Variants in CTTNBP2 observed in about 807,000 individuals in gnomAD.
CTTNBP2 encodes cortactin binding protein 2, also known as cortactin-binding protein 2.
A neutral mutation model predicts 156.9 loss-of-function variants in CTTNBP2; 108 were observed. That is an observed-to-expected ratio of 0.69 (90% CI 0.59 to 0.81). CTTNBP2 has a LOEUF of 0.81. CTTNBP2 is among the 30% of genes least tolerant of loss of function. The probability of loss-of-function intolerance (pLI) is 0.00; values close to 1 mark genes in which losing one functional copy is unlikely to be tolerated. For synonymous variants in CTTNBP2, 767 were observed against 751.8 expected (o/e 1.02, Z -0.33); for missense variants, 1,924 against 2,035.4 (o/e 0.95, Z 1.05).
chr7:117,816,790 T>C (rs1376865784), intron 2 of CTTNBP2, among the ~76,000 whole-genome samples: 2 of 152,110 alleles, frequency 1.3e-5, no homozygotes, highest in Non-Finnish European at 2.9e-5. Flanking sequence ...ATCAACAACA[T>C]AGACATGTTT....
At chr7:117,771,868 A>G (rs1230054459) in intron 8 of CTTNBP2, among the ~76,000 whole-genome samples, 1 of 152,204 alleles carries the variant, frequency 6.6e-6, no homozygotes, top group African/African-American at 2.4e-5. Context: ...CCAAGAAGCC[A>G]AGACAAGCTG....
intron 19 of CTTNBP2, among the ~76,000 whole-genome samples, chr7:117,723,752 CTT>C (rs35193550): frequency 0.19 from 25,867 of 133,058 alleles, 1,842 homozygotes; most frequent in African/African-American, 0.21. Flanking sequence ...ACGGCAGGAT[CTT>C]TTTTTTTTTT....
chr7:117,832,468 A>T (rs561958724), intron 2 of CTTNBP2, among the ~76,000 whole-genome samples: 1 of 151,952 alleles, frequency 6.6e-6, no homozygotes, highest in Non-Finnish European at 1.5e-5. Flanking sequence ...ACCTAATAAT[A>T]CTACAGCCCA....
intron 2 of CTTNBP2, among the ~76,000 whole-genome samples, chr7:117,812,054 G>A (rs1159322021): frequency 6.6e-6 from 1 of 151,712 alleles, no homozygotes; most frequent in Admixed American, 6.6e-5. Context: ...TCACTGAAGG[G>A]CATTAAAATA....
intron 8 of CTTNBP2, among the ~76,000 whole-genome samples, chr7:117,768,368 C>T (rs1797614609): frequency 6.6e-6 from 1 of 151,734 alleles, no homozygotes; most frequent in Non-Finnish European, 1.5e-5. Context: ...TCCAGACCAG[C>T]CTGGCCTGGC....
intron 2 of CTTNBP2, among the ~76,000 whole-genome samples, chr7:117,822,626 CAT>C (rs1311407949): frequency 1.3e-5 from 2 of 152,188 alleles, no homozygotes; most frequent in Non-Finnish European, 2.9e-5. Context: ...GTCTTGGACA[CAT>C]GATATATATA....
chr7:117,853,847 T>G (rs563648207), intron 2 of CTTNBP2, among the ~76,000 whole-genome samples: 1 of 152,334 alleles, frequency 6.6e-6, no homozygotes, highest in South Asian at 2.1e-4. Flanking sequence ...TTGCTTATTA[T>G]ATGGGCCAGA....
intron 16 of CTTNBP2, 80 bp downstream of exon 16, chr7:117,734,833 G>T: frequency 8.9e-7 from 1 of 1,124,904 alleles, no homozygotes; most frequent in Non-Finnish European, 1.3e-6. Flanking sequence ...TAGTTAGTGA[G>T]TGGTGGAACT....
chr7:117,725,822 G>A (rs1461313360), intron 17 of CTTNBP2, among the ~76,000 whole-genome samples: 1 of 152,086 alleles, frequency 6.6e-6, no homozygotes, highest in East Asian at 1.9e-4. Context: ...CAAGTAGCTG[G>A]GATTACAGGC....
chr7:117,765,346 G>A (rs1797430200), intron 9 of CTTNBP2, among the ~76,000 whole-genome samples: 1 of 152,186 alleles, frequency 6.6e-6, no homozygotes, highest in Admixed American at 6.5e-5. Flanking sequence ...CAGATTGTCA[G>A]AATTGGAATC....
chr7:117,740,104 C>G (rs1795912964), intron 14 of CTTNBP2, among the ~76,000 whole-genome samples: 1 of 151,972 alleles, frequency 6.6e-6, no homozygotes, highest in South Asian at 2.1e-4. Context: ...ATAACAGAGT[C>G]ATATGACATG....
chr7:117,837,692 T>A (rs1355131798), intron 2 of CTTNBP2, among the ~76,000 whole-genome samples: 2 of 152,194 alleles, frequency 1.3e-5, no homozygotes. Flanking sequence ...TTTAATAATT[T>A]CGTGCATGAA....
At chr7:117,768,276 A>G (rs1797607538) in intron 8 of CTTNBP2, among the ~76,000 whole-genome samples, 1 of 152,040 alleles carries the variant, frequency 6.6e-6, no homozygotes, top group Non-Finnish European at 1.5e-5. Context: ...GAAATACCAT[A>G]TCTGGCTGGG....
chr7:117,792,332 C>T lies in CTTNBP2; in HGVS notation c.864G>A (p.Arg288=), dbSNP rs1395347880. The change falls in exon 4 of 23, where the codon AGG becomes AGA. Residue 288 remains arginine (R), a synonymous_variant. Transcript: ENST00000160373. This position sits in a 1 kb window ranked among gnomAD's most constrained non-coding sequence, Gnocchi z 4.2. ...TTCCCACAGATATGGAAACCAAACG[C>T]CTATCTTTTGTCTTCCGTGGAAGAG... The part of the protein sequence containing the change: ...SLSLPRKTKD[R]RLVSISVGTE... The T allele has an allele frequency of 1.2e-6, 2 of 1,614,134 alleles. No homozygotes were observed. The highest frequency in any genetic ancestry group is 2.2e-5 in the East Asian group (1 of 44,882).
At chr7:117,765,039 G>A (rs1350928236) in intron 9 of CTTNBP2, among the ~76,000 whole-genome samples, 2 of 152,058 alleles carry the variant, frequency 1.3e-5, no homozygotes, top group Non-Finnish European at 2.9e-5. Flanking sequence ...GGGTTCAAAC[G>A]ATTCTCCTGC....
At chr7:117,857,708 T>C (rs1168596860) in intron 2 of CTTNBP2, among the ~76,000 whole-genome samples, 1 of 151,660 alleles carries the variant, frequency 6.6e-6, no homozygotes, top group Non-Finnish European at 1.5e-5. Flanking sequence ...AAAACCAAGA[T>C]GCACTTCCTT....
intron 3 of CTTNBP2, among the ~76,000 whole-genome samples, chr7:117,810,443 T>C (rs1408881387): frequency 6.6e-6 from 1 of 152,182 alleles, no homozygotes; most frequent in African/African-American, 2.4e-5. Flanking sequence ...TTAACCTACC[T>C]AGCAGCTAAG....
intron 12 of CTTNBP2, among the ~76,000 whole-genome samples, chr7:117,753,287 C>A (rs947332072): frequency 6.6e-6 from 1 of 152,166 alleles, no homozygotes; most frequent in African/African-American, 2.4e-5. Context: ...AAAAGGAACA[C>A]TTTTACACTG....
At chr7:117,800,013 G>A (rs111557454) in intron 3 of CTTNBP2, among the ~76,000 whole-genome samples, 15 of 152,114 alleles carry the variant, frequency 9.9e-5, no homozygotes, top group African/African-American at 3.6e-4. Flanking sequence ...TAAATAAATG[G>A]AGAAATGTAC....
Sources: allele counts gnomAD v4.1 joint callset (sites outside exome capture counted in the v4.1 genomes callset), GRCh38; gene constraint gnomAD v4.1.1; non-coding constraint Gnocchi (gnomAD v3.1); transcripts MANE v1.5; gene names NCBI Gene and HGNC (gene_info 2026-07-23, HGNC 2026-07-21).